Variants in ANO2 observed in about 807,000 individuals in gnomAD.
ANO2 encodes anoctamin 2.
Under a neutral mutation model 124.2 loss-of-function variants are expected in ANO2, and 101 were observed. That is an observed-to-expected ratio of 0.81 (90% confidence interval 0.69 to 0.96). The LOEUF (loss-of-function observed/expected upper bound fraction) is 0.96. Ranked by LOEUF, ANO2 falls within the 40% of genes least tolerant of loss-of-function variation. The probability of loss-of-function intolerance (pLI) is 0.00; values close to 1 mark genes in which losing one functional copy is unlikely to be tolerated. For synonymous variants in ANO2, 486 were observed against 482.5 expected (o/e 1.01, Z -0.09); for missense variants, 1,293 against 1,274.5 (o/e 1.01, Z -0.22).
intron 13 of ANO2, among the ~76,000 whole-genome samples, chr12:5,736,980 A>C (rs958386081): frequency 6.6e-6 from 1 of 152,168 alleles, no homozygotes; most frequent in Non-Finnish European, 1.5e-5. Context: ...ATTCTATTCT[A>C]AATATTTATA....
intron 20 of ANO2, 86 bp downstream of exon 20, chr12:5,599,398 C>T (rs1325976244): frequency 6.9e-6 from 10 of 1,454,510 alleles, no homozygotes; most frequent in South Asian, 1.4e-5. Context: ...CAGTCATTTT[C>T]CCCAATCCCC....
intron 10 of ANO2, among the ~76,000 whole-genome samples, chr12:5,773,475 T>C (rs550249263): frequency 6.6e-6 from 1 of 152,300 alleles, no homozygotes; most frequent in East Asian, 1.9e-4. Context: ...AAACTGGATC[T>C]TAGATCAGAA....
At chr12:5,899,292 T>A (rs748371565) in intron 3 of ANO2, among the ~76,000 whole-genome samples, 13 of 152,160 alleles carry the variant, frequency 8.5e-5, no homozygotes, top group Non-Finnish European at 1.8e-4. Flanking sequence ...ATAGCCAAAG[T>A]GCATGATTCC....
chr12:5,831,571 G>A (rs569460563), intron 5 of ANO2, among the ~76,000 whole-genome samples: 6 of 152,304 alleles, frequency 3.9e-5, no homozygotes, highest in Admixed American at 3.3e-4. Flanking sequence ...AAGATAGTTA[G>A]ATCTGGCCCG....
chr12:5,922,855 C>T, intron 1 of ANO2, 51 bp from the exon 2 acceptor site: 1 of 1,437,772 alleles, frequency 7.0e-7, no homozygotes, highest in Non-Finnish European at 9.1e-7. Flanking sequence ...TGAAGGAAAT[C>T]CAAGACACTG....
intron 14 of ANO2, among the ~76,000 whole-genome samples, chr12:5,701,021 CAACACTGATGTAGCATT>C (rs141909740): frequency 0.37 from 55,256 of 150,888 alleles, 11,847 homozygotes; most frequent in East Asian, 0.59. Flanking sequence ...TCCATCCGTC[CAACACTGATGTAGCATT>C]AAACCAACTT....
chr12:5,843,890 C>T (rs181439177), intron 4 of ANO2, among the ~76,000 whole-genome samples: 318 of 152,154 alleles, frequency 2.1e-3, no homozygotes, highest in African/African-American at 6.8e-3. Context: ...GCAGGGAACA[C>T]GTAAGAGATA....
chr12:5,786,132 A>G (rs529358112), intron 10 of ANO2, among the ~76,000 whole-genome samples: 1 of 152,280 alleles, frequency 6.6e-6, no homozygotes, highest in Admixed American at 6.5e-5. Context: ...AACTAGGTCC[A>G]GACTCTTTGA....
rs999874693 is a variant in ANO2 at position 5,563,220 on chromosome 12, C to A, written c.*79G>T. On this transcript the variant is annotated 3_prime_UTR_variant, in exon 25 of 25. Coordinates refer to ENST00000682330, the MANE Select transcript of ANO2 (RefSeq NM_001364791.2). Reference sequence around the variant, plus strand: ...CAGGCCCCTGCAGACAGACAGCACGCCATGTGGGTGTAGGAACATGCTTAC... The same window carrying A: ...CAGGCCCCTGCAGACAGACAGCACGACATGTGGGTGTAGGAACATGCTTAC... 4.0e-6 allele frequency: 6 copies of A among 1,497,634 alleles called. No homozygotes were observed. The highest frequency in any genetic ancestry group is 5.3e-6 in the Non-Finnish European group (6 of 1,123,680). The allele number at this position is 1,497,634 out of a possible 1,614,324, so 92.8% of individuals were successfully genotyped here.
intron 3 of ANO2, among the ~76,000 whole-genome samples, chr12:5,889,594 A>G (rs1444829277): frequency 6.6e-6 from 1 of 152,256 alleles, no homozygotes; most frequent in African/African-American, 2.4e-5. Context: ...CACGTGTCCC[A>G]TCTCCTTCCC....
chr12:5,888,856 C>T (rs1035848404), intron 3 of ANO2, among the ~76,000 whole-genome samples: 12 of 152,242 alleles, frequency 7.9e-5, no homozygotes, highest in Non-Finnish European at 1.5e-4. Flanking sequence ...ACACTGGGGC[C>T]GCAGGTGGAG....
chr12:5,750,749 G>C, intron 11 of ANO2, 87 bp downstream of exon 11: 1 of 1,362,102 alleles, frequency 7.3e-7, no homozygotes, highest in South Asian at 1.4e-5. Flanking sequence ...GCTTTGGAAA[G>C]AGGCATGTGA....
At chr12:5,612,450 G>C (rs189479517) in intron 19 of ANO2, among the ~76,000 whole-genome samples, 8 of 152,216 alleles carry the variant, frequency 5.3e-5, no homozygotes, top group East Asian at 1.9e-4. Context: ...TTAAGCAAAG[G>C]GTAAATCCTT....
intron 3 of ANO2, among the ~76,000 whole-genome samples, chr12:5,867,266 T>C (rs537409372): frequency 6.6e-6 from 1 of 152,324 alleles, no homozygotes; most frequent in East Asian, 1.9e-4. Context: ...GGCTACCTGG[T>C]TGTGTTCCAG....
At chr12:5,808,464 T>C (rs529035252) in intron 7 of ANO2, among the ~76,000 whole-genome samples, 3 of 152,154 alleles carry the variant, frequency 2.0e-5, no homozygotes, top group Admixed American at 2.0e-4. Flanking sequence ...GGAGGGATTA[T>C]GTCTCACCAA....
intron 14 of ANO2, among the ~76,000 whole-genome samples, chr12:5,681,702 A>G (rs1948498838): frequency 6.6e-6 from 1 of 152,148 alleles, no homozygotes; most frequent in African/African-American, 2.4e-5. Flanking sequence ...TCAGTTTCAT[A>G]TCCTCTTCTT....
chr12:5,851,405 T>C (rs1360077545), intron 4 of ANO2, among the ~76,000 whole-genome samples: 1 of 152,100 alleles, frequency 6.6e-6, no homozygotes, highest in African/African-American at 2.4e-5. Flanking sequence ...TAGAGGTGTC[T>C]GGCTGGGTGT....
At chr12:5,893,209 G>C (rs755262428) in intron 3 of ANO2, among the ~76,000 whole-genome samples, 3 of 152,064 alleles carry the variant, frequency 2.0e-5, no homozygotes, top group Non-Finnish European at 4.4e-5. Flanking sequence ...GACCCCAAAA[G>C]CAAATGCAAC....
chr12:5,672,351 C>CA lies in ANO2; in HGVS notation c.1546-24551dup, dbSNP rs200966503. ...GCATGCTGAGTTGTCGGTGCATTCT[C>CA]AGAGAGGCTGTTCATGTCTCATGGA... is the stretch of plus-strand genomic sequence containing the variant. On this transcript the variant is annotated intron_variant, in intron 14 of 24. Transcript: ENST00000682330. Among the ~76,000 whole-genome samples the CA allele has an allele frequency of 4.8e-3, 729 of 152,312 alleles. 4 individuals are homozygous for CA. Among genetic ancestry groups the CA allele is most frequent in the African/African-American group, 0.017 (699 of 41,562 alleles).
Sources: allele counts gnomAD v4.1 joint callset (sites outside exome capture counted in the v4.1 genomes callset), GRCh38; gene constraint gnomAD v4.1.1; transcripts MANE v1.5; gene names NCBI Gene and HGNC (gene_info 2026-07-23, HGNC 2026-07-21).